Variants in TEX48 observed in about 807,000 individuals in gnomAD.
The protein encoded by TEX48 is testis expressed 48, also known as testis-expressed protein 48.
In TEX48, 10 loss-of-function variants were observed where a neutral mutation model predicts 13.2. The ratio of observed to expected loss-of-function variants is 0.75; its 90% CI spans 0.47 to 1.28. TEX48 has a LOEUF of 1.28. Ranked by LOEUF, TEX48 falls within the 50% of genes most tolerant of loss-of-function variation. The probability of loss-of-function intolerance (pLI) is 0.00; values close to 1 mark genes in which losing one functional copy is unlikely to be tolerated. For synonymous variants in TEX48, 45 were observed against 52.3 expected (o/e 0.86, Z 0.60); for missense variants, 116 against 139.4 (o/e 0.83, Z 0.84).
chr9:114,669,496 C>T (rs1030867287), intron 3 of TEX48, among the ~76,000 whole-genome samples: 2 of 151,392 alleles, frequency 1.3e-5, no homozygotes, highest in Non-Finnish European at 2.9e-5. Flanking sequence ...GGCTGGAGTG[C>T]GATGGCACGA....
At chr9:114,671,931 C>A in intron 1 of TEX48, 104 bp from the exon 2 acceptor site, 1 of 602,756 alleles carries the variant, frequency 1.7e-6, no homozygotes, top group Non-Finnish European at 3.0e-6. Context: ...TGCAGACATG[C>A]ACATAAACAT....
Position 114,671,453 on chromosome 9 carries a change from A to C in TEX48, c.57T>G (p.Cys19Trp). 1 of 1,535,550 alleles carries C rather than the reference A, an allele frequency of 6.5e-7. No homozygotes were observed. The highest frequency in any genetic ancestry group is 8.7e-7 in the Non-Finnish European group (1 of 1,146,848). ...AGTCATTGATGGCATAGGGCTCCTG[A>C]CAGTCCCTGCAGCATAAACAGAAGA... ...LKIFCLCCRD[C>W]QEPYAINDSK... The change falls in exon 3 of 5, where the codon TGT (cysteine) becomes TGG (tryptophan). Residue 19 changes from cysteine (C) to tryptophan (W), a missense_variant. By Grantham distance (215) the Cys-to-Trp change is radical (BLOSUM62 -2). Coordinates refer to ENST00000436752, the MANE Select transcript of TEX48 (RefSeq NM_001199233.2).
intron 1 of TEX48, among the ~76,000 whole-genome samples, chr9:114,675,591 C>T (rs2133764454): frequency 6.6e-6 from 1 of 152,316 alleles, no homozygotes; most frequent in Admixed American, 6.5e-5. Flanking sequence ...ACCATCACTT[C>T]TCACCTGGAC....
At chr9:114,669,044 G>A (rs976228001) in intron 3 of TEX48, among the ~76,000 whole-genome samples, 2 of 151,908 alleles carry the variant, frequency 1.3e-5, no homozygotes, top group African/African-American at 4.8e-5. Flanking sequence ...GTCTCACTAT[G>A]TTGCCAGGCT....
chr9:114,672,792 A>G (rs62579741), intron 1 of TEX48, among the ~76,000 whole-genome samples: 11,932 of 152,222 alleles, frequency 0.078, 579 homozygotes, highest in Non-Finnish European at 0.1. Context: ...TAGTAGATGG[A>G]GCGATATAAT....
chr9:114,668,173 T>C, intron 4 of TEX48, 33 bp downstream of exon 4: 2 of 1,534,586 alleles, frequency 1.3e-6, no homozygotes, highest in Non-Finnish European at 1.7e-6. Context: ...TGGGAGTTTC[T>C]GGTCAGTGTT....
At chr9:114,669,726 C>T (rs1173076468) in intron 3 of TEX48, among the ~76,000 whole-genome samples, 1 of 151,972 alleles carries the variant, frequency 6.6e-6, no homozygotes, top group African/African-American at 2.4e-5. Context: ...AAGACATGAA[C>T]CACCATGCCC....
chr9:114,679,706 A>G (rs1362457818), intron 1 of TEX48, among the ~76,000 whole-genome samples: 1 of 152,192 alleles, frequency 6.6e-6, no homozygotes, highest in Non-Finnish European at 1.5e-5. Context: ...TCTTACACAG[A>G]GTCTGAAGGG....
chr9:114,678,689 A>G (rs1407653761), intron 1 of TEX48, among the ~76,000 whole-genome samples: 2 of 151,614 alleles, frequency 1.3e-5, no homozygotes, highest in Non-Finnish European at 2.9e-5. Flanking sequence ...ACTAAAAATT[A>G]AAATTTAGCT....
Position 114,671,718 on chromosome 9 carries a change from A to G in TEX48, c.4+2T>C, listed in dbSNP as rs1324322534. 29 of 1,535,454 alleles carry G rather than the reference A, an allele frequency of 1.9e-5. No individual in the cohort carries two copies. Among genetic ancestry groups the G allele is most frequent in the Non-Finnish European group, 2.2e-5 (25 of 1,146,878 alleles). On this transcript the variant is annotated splice_donor_variant, in intron 2 of 4. Coordinates refer to ENST00000436752, the MANE Select transcript of TEX48 (RefSeq NM_001199233.2). LOFTEE classifies it high-confidence loss of function. ...TTCCTATTCTGTACAAAGTTTTCTT[A>G]CCCATGGAAAGGAGTTGAAACTTCT... is the stretch of plus-strand genomic sequence containing the variant.
rs1173823896 is a variant in TEX48 at position 114,671,379 on chromosome 9, C to T, written c.127+4G>A. The T allele has an allele frequency of 6.5e-7, 1 of 1,535,076 alleles. No homozygotes were observed. Among genetic ancestry groups the T allele is most frequent in the African/African-American group, 1.4e-5 (1 of 73,008 alleles). On this transcript the variant is annotated splice_donor_region_variant and intron_variant, in intron 3 of 4. Coordinates refer to ENST00000436752, the MANE Select transcript of TEX48 (RefSeq NM_001199233.2). The stretch of plus-strand genomic sequence containing the variant: ...CATGCAGAGTGTCCTTATCTGATAC[C>T]TACTTTGGGTCGATGGCTTGTGCTC...
chr9:114,674,595 CTTTT>C (rs1309917501), intron 1 of TEX48, among the ~76,000 whole-genome samples: 2 of 96,254 alleles, frequency 2.1e-5, no homozygotes, highest in Non-Finnish European at 4.2e-5. Flanking sequence ...TCTCTTTTCT[CTTTT>C]TCTTTCCTTC....
chr9:114,670,485 A>C (rs1055547762), intron 3 of TEX48, among the ~76,000 whole-genome samples: 6 of 132,136 alleles, frequency 4.5e-5, no homozygotes, highest in Non-Finnish European at 1.0e-4. Flanking sequence ...TTTTGACAAT[A>C]GTGCTTCTTT....
Position 114,668,236 on chromosome 9 carries a change from TC to T in TEX48, c.228del (p.Ser77AlafsTer12). 6.5e-7 allele frequency: 1 copy of T among 1,535,680 alleles called. No individual in the cohort carries two copies. The highest frequency in any genetic ancestry group is 1.2e-5 in the South Asian group (1 of 84,060). On this transcript the variant is annotated frameshift_variant, in exon 4 of 5. Transcript: ENST00000436752. LOFTEE classifies it low-confidence loss of function (END_TRUNC). ...AACTCACTGCTGCTGGAGGAAGTGC[TC>T]TTTTTTGTCTGGATCAGGGGTGTTC... ...PSRTPLIQTKKSTSSSSSEFE... is the reference protein window; with the variant it reads ...PSRTPLIQTKXSTSSSSSEFE...
intron 1 of TEX48, 88 bp downstream of exon 1, chr9:114,681,947 T>C (rs13286744): frequency 0.57 from 87,333 of 151,906 alleles, 25,377 homozygotes; most frequent in African/African-American, 0.64. Flanking sequence ...AATGAATAGG[T>C]GTCCAGGAGT....
At chr9:114,667,901 A>T (rs1397471868) in intron 4 of TEX48, among the ~76,000 whole-genome samples, 1 of 81,014 alleles carries the variant, frequency 1.2e-5, no homozygotes, top group Non-Finnish European at 2.2e-5. Context: ...GGGAGACTCC[A>T]TCTCAAAAAA....
chr9:114,674,372 G>A (rs1054139794), intron 1 of TEX48, among the ~76,000 whole-genome samples: 1 of 152,048 alleles, frequency 6.6e-6, no homozygotes, highest in Non-Finnish European at 1.5e-5. Context: ...CTGGAATTCA[G>A]TTCTCTTAGA....
intron 2 of TEX48, 32 bp downstream of exon 2, chr9:114,671,688 A>AT (rs1210506331): frequency 4.8e-5 from 74 of 1,535,366 alleles, no homozygotes; most frequent in Non-Finnish European, 5.9e-5. Context: ...TGCCTAGGCC[A>AT]TTTTTTCCTA....
intron 3 of TEX48, among the ~76,000 whole-genome samples, chr9:114,669,303 G>T (rs970712839): frequency 6.6e-6 from 1 of 151,958 alleles, no homozygotes; most frequent in Non-Finnish European, 1.5e-5. Context: ...TTTTTTGAGA[G>T]AATCTCACTC....
Sources: gnomAD v4.1 joint callset for allele counts (sites outside exome capture counted in the v4.1 genomes callset) on GRCh38, gnomAD v4.1.1 for gene constraint, MANE v1.5 for transcripts, NCBI Gene and HGNC (gene_info 2026-07-23, HGNC 2026-07-21) for gene names.